The following MED12L variants were observed in gnomAD, a reference collection of about 807,000 sequenced individuals.
MED12L encodes the protein mediator complex subunit 12L.
Under a neutral mutation model 281.3 loss-of-function variants are expected in MED12L, and 60 were observed. The ratio of observed to expected loss-of-function variants is 0.21; its 90% CI spans 0.17 to 0.26. MED12L has a LOEUF of 0.26. Among genes scored for constraint, MED12L ranks in the 10% least tolerant of loss-of-function variants. The pLI is 1.00. For missense variants in MED12L, 2,146 were observed against 2,680.9 expected, an observed-to-expected ratio of 0.80 and a Z score of 4.41; for synonymous variants, 974 against 987.2, an observed-to-expected ratio of 0.99 and a Z score of 0.25.
chr3:151,087,131 C>T (rs1719347839), intron 2 of MED12L, 106 bp downstream of exon 2: 3 of 897,988 alleles, frequency 3.3e-6, no homozygotes, highest in Non-Finnish European at 4.9e-6. Flanking sequence ...TGGAAGAGGT[C>T]GGGGAGGGGG....
At chr3:151,421,180 G>T (rs1718206501) in intron 43 of MED12L, among the ~76,000 whole-genome samples, 1 of 152,122 alleles carries the variant, frequency 6.6e-6, no homozygotes, top group Admixed American at 6.5e-5. Context: ...GACAGTGGTG[G>T]CTGGGGAAAG....
Position 151,292,346 on chromosome 3 carries a change from G to T in MED12L, c.2251-57713G>T, listed in dbSNP as rs558460031. ...CTTTTGTCCAGGCTGGAGTGCAGTG[G>T]CATGATCTTGGCTCACTGCAACCTC... On this transcript the variant is annotated intron_variant, in intron 16 of 44. Coordinates refer to ENST00000687756, the MANE Select transcript of MED12L (RefSeq NM_001393769.1). 2.7e-5 allele frequency among the ~76,000 whole-genome samples: 4 copies of T among 150,744 alleles called. No homozygotes were observed. The East Asian group carries it at 7.7e-4, about 29-fold the overall frequency.
intron 5 of MED12L, among the ~76,000 whole-genome samples, chr3:151,131,734 TAAATGGAG>T (rs60501402): frequency 0.73 from 110,771 of 151,240 alleles, 40,693 homozygotes; most frequent in South Asian, 0.78. Flanking sequence ...TTTCCCCTAC[TAAATGGAG>T]AAATGGAGGG....
At chr3:151,430,194 G>C in intron 43 of MED12L, 105 bp from the exon 44 acceptor site, 2 of 1,510,758 alleles carry the variant, frequency 1.3e-6, no homozygotes, top group African/African-American at 2.8e-5. Flanking sequence ...TTTTCGTGAA[G>C]TGTTGAGAAG....
intron 16 of MED12L, among the ~76,000 whole-genome samples, chr3:151,235,458 C>T (rs1389705703): frequency 6.6e-6 from 1 of 152,154 alleles, no homozygotes; most frequent in African/African-American, 2.4e-5. Context: ...GTAATCTCAA[C>T]ACTTTGGGAG....
intron 34 of MED12L, 22 bp from the exon 35 acceptor site, chr3:151,384,061 A>G (rs1712887319): frequency 6.2e-7 from 1 of 1,602,476 alleles, no homozygotes; most frequent in Non-Finnish European, 8.5e-7. Flanking sequence ...TTTAAGATGA[A>G]AATAATTATT....
chr3:151,332,986 A>T (rs1750524856), intron 16 of MED12L, among the ~76,000 whole-genome samples: 1 of 152,154 alleles, frequency 6.6e-6, no homozygotes, highest in Non-Finnish European at 1.5e-5. Flanking sequence ...AACAAGTGAC[A>T]ACATCTGGTG....
intron 16 of MED12L, among the ~76,000 whole-genome samples, chr3:151,324,167 A>G (rs1749310795): frequency 6.6e-6 from 1 of 152,164 alleles, no homozygotes; most frequent in Admixed American, 6.5e-5. Context: ...TTTTGTTCCT[A>G]TTTTTAACTA....
At chr3:151,173,086 T>C (rs537038088) in intron 11 of MED12L, among the ~76,000 whole-genome samples, 2 of 152,116 alleles carry the variant, frequency 1.3e-5, no homozygotes, top group Non-Finnish European at 2.9e-5. Flanking sequence ...TTTTTTTTTT[T>C]TTAACTTTTT....
chr3:151,336,414 T>C, intron 16 of MED12L: 2 of 435,818 alleles, frequency 4.6e-6, no homozygotes, highest in South Asian at 3.3e-5. Flanking sequence ...TCAGCAGAGG[T>C]TGTAGAGGGT....
At chr3:151,315,076 C>T (rs1748060156) in intron 16 of MED12L, among the ~76,000 whole-genome samples, 2 of 152,200 alleles carry the variant, frequency 1.3e-5, no homozygotes, top group African/African-American at 2.4e-5. Flanking sequence ...CCTGTCTTCA[C>T]AACCTTACCC....
chr3:151,267,113 A>G (rs892275031), intron 16 of MED12L, among the ~76,000 whole-genome samples: 6 of 152,220 alleles, frequency 3.9e-5, no homozygotes, highest in Non-Finnish European at 7.3e-5. Context: ...AACTCCTTAC[A>G]TTCTTGAAGT....
intron 11 of MED12L, among the ~76,000 whole-genome samples, chr3:151,182,548 C>T (rs1722829990): frequency 6.6e-6 from 1 of 152,098 alleles, no homozygotes; most frequent in African/African-American, 2.4e-5. Flanking sequence ...TAAGGGGCTG[C>T]TCTGTGAAAC....
chr3:151,206,754 C>T (rs1478683215), intron 16 of MED12L, among the ~76,000 whole-genome samples: 3 of 149,552 alleles, frequency 2.0e-5, no homozygotes, highest in Non-Finnish European at 4.4e-5. Flanking sequence ...ACGCCGTTCT[C>T]CTGCCTCAGC....
At chr3:151,122,465 A>G (rs1200218996) in intron 3 of MED12L, among the ~76,000 whole-genome samples, 1 of 152,230 alleles carries the variant, frequency 6.6e-6, no homozygotes, top group Non-Finnish European at 1.5e-5. Context: ...GAGAAAGAGC[A>G]GCTGAAGGAT....
chr3:151,285,696 TAAAAG>T (rs1489784751), intron 16 of MED12L, among the ~76,000 whole-genome samples: 2 of 150,728 alleles, frequency 1.3e-5, no homozygotes, highest in East Asian at 2.0e-4. Flanking sequence ...AAAAAAAAAA[TAAAAG>T]AAAAAAACAT....
chr3:151,116,094 T>TATAAGGAATA (rs1712760041), intron 2 of MED12L, among the ~76,000 whole-genome samples: 1 of 148,154 alleles, frequency 6.7e-6, no homozygotes. Flanking sequence ...AAAAGAATAG[T>TATAAGGAATA]ATAAGGAATA....
intron 42 of MED12L, 132 bp from the exon 43 acceptor site, chr3:151,416,180 G>A: frequency 6.6e-7 from 1 of 1,509,686 alleles, no homozygotes; most frequent in East Asian, 2.3e-5. Context: ...GCAAGGTAGA[G>A]ATGCAGCAGG....
intron 16 of MED12L, among the ~76,000 whole-genome samples, chr3:151,334,485 G>A (rs917593228): frequency 6.6e-6 from 1 of 151,478 alleles, no homozygotes; most frequent in Non-Finnish European, 1.5e-5. Flanking sequence ...CCAGGGGGAA[G>A]CAGTCTTCTT....
Sources: gnomAD v4.1 joint callset for allele counts (sites outside exome capture counted in the v4.1 genomes callset) on GRCh38, gnomAD v4.1.1 for gene constraint, MANE v1.5 for transcripts, NCBI Gene and HGNC (gene_info 2026-07-23, HGNC 2026-07-21) for gene names.